The following ABCA1 variants were observed in gnomAD, a reference collection of about 807,000 sequenced individuals.
ABCA1 encodes phospholipid-transporting ATPase ABCA1.
ABCA1 carries 133 observed loss-of-function variants against 262.5 expected under a neutral mutation model. The observed-to-expected ratio is 0.51, with a 90% CI of 0.44 to 0.59. The LOEUF (loss-of-function observed/expected upper bound fraction) is 0.59, where lower values mean the gene tolerates loss of function less well. Among genes scored for constraint, ABCA1 ranks in the 20% least tolerant of loss-of-function variants. The pLI is 0.00. For missense variants in ABCA1, 2,452 were observed against 2,777.5 expected (o/e 0.88, Z 2.63); for synonymous variants, 1,022 against 1,043.5 (o/e 0.98, Z 0.40).
At chr9:104,867,543 GCATATGTATGTGTGTATTATAATA>G (rs143369298) in intron 5 of ABCA1, among the ~76,000 whole-genome samples, 3 of 152,322 alleles carry the variant, frequency 2.0e-5, no homozygotes, top group African/African-American at 7.2e-5. Flanking sequence ...GTATGTGTGT[GCATATGTATGTGTGTATTATAATA>G]CATATTAGCC....
Position 104,784,295 on chromosome 9 carries a change from C to T in ABCA1, c.*20G>A, listed in dbSNP as rs375241409. The T allele has an allele frequency of 2.2e-5, 36 of 1,613,876 alleles. No individual in the cohort carries two copies. The highest frequency in any genetic ancestry group is 4.0e-5 in the African/African-American group (3 of 74,924). ...TCTAGTTCCTCTTTACTTTCAGCCA[C>T]CCCGTATGAACAGGATTCTTCATAC... On this transcript the variant is annotated 3_prime_UTR_variant, in exon 50 of 50. Coordinates refer to ENST00000374736, the MANE Select transcript of ABCA1 (RefSeq NM_005502.4).
intron 6 of ABCA1, 110 bp downstream of exon 6, chr9:104,861,569 C>G: frequency 6.9e-7 from 1 of 1,446,080 alleles, no homozygotes; most frequent in South Asian, 1.1e-5. Context: ...CAAACTACCT[C>G]CCTCCCCTTC....
Position 104,837,065 on chromosome 9 carries a change from A to G in ABCA1, c.1226T>C (p.Phe409Ser). ...CTCCCACATGCCTTCCAGATCATGGAACACAGCCAGTTCCTGGAAGGTCTT... is the reference window on the plus strand; with the variant it reads ...CTCCCACATGCCTTCCAGATCATGGGACACAGCCAGTTCCTGGAAGGTCTT... Reference protein sequence around the residue: ...VNKTFQELAVFHDLEGMWEEL... With the variant: ...VNKTFQELAVSHDLEGMWEEL... The change falls in exon 11 of 50, where the codon TTC becomes TCC. Residue 409 changes from phenylalanine (F) to serine (S), a missense_variant. Phe to Ser is a radical substitution (Grantham distance 155, BLOSUM62 -2). Coordinates refer to ENST00000374736, the MANE Select transcript of ABCA1 (RefSeq NM_005502.4). 1 of 1,613,882 alleles carries G rather than the reference A, an allele frequency of 6.2e-7. No individual in the cohort carries two copies. The highest frequency in any genetic ancestry group is 8.5e-7 in the Non-Finnish European group (1 of 1,180,016).
chr9:104,799,375 C>G (rs1034693974), intron 36 of ABCA1: 20 of 868,866 alleles, frequency 2.3e-5, no homozygotes, highest in Non-Finnish European at 2.7e-5. Context: ...TTTAAACTAG[C>G]TCATCCTGGC....
At chr9:104,840,214 GCC>G in intron 9 of ABCA1, 63 bp downstream of exon 9, 1 of 1,612,382 alleles carries the variant, frequency 6.2e-7, no homozygotes, top group Middle Eastern at 1.9e-4. Context: ...GATGACACAG[GCC>G]AAGGCCAGAA....
chr9:104,867,442 T>TTAGG (rs1428392229), intron 5 of ABCA1, among the ~76,000 whole-genome samples: 5 of 152,246 alleles, frequency 3.3e-5, no homozygotes, highest in Non-Finnish European at 5.9e-5. Context: ...TAATTTAACC[T>TTAGG]TAAAGCATAT....
chr9:104,840,568 G>C (rs1427619684), intron 8 of ABCA1, 49 bp from the exon 9 acceptor site: 19 of 1,575,072 alleles, frequency 1.2e-5, no homozygotes, highest in Non-Finnish European at 1.7e-5. Context: ...AGGGAGAAAA[G>C]GGCAGTGCAA....
At chr9:104,924,066 G>T (rs1197210831) in intron 1 of ABCA1, among the ~76,000 whole-genome samples, 1 of 152,018 alleles carries the variant, frequency 6.6e-6, no homozygotes, top group Admixed American at 6.6e-5. Context: ...GAATAAACAC[G>T]TGAAAAACAT....
intron 1 of ABCA1, among the ~76,000 whole-genome samples, chr9:104,926,905 C>A (rs1387629045): frequency 1.3e-5 from 2 of 152,196 alleles, no homozygotes; most frequent in African/African-American, 4.8e-5. Context: ...TCTCCTAAGT[C>A]TTGTTTTTAA....
At chr9:104,916,359 G>T (rs12344687) in intron 1 of ABCA1, among the ~76,000 whole-genome samples, 16,574 of 152,116 alleles carry the variant, frequency 0.11, 1,118 homozygotes, top group African/African-American at 0.19. Flanking sequence ...ACAATTTTTA[G>T]TTGAGAGAAA....
At chr9:104,789,023 G>A (rs1442569911) in intron 44 of ABCA1, among the ~76,000 whole-genome samples, 2 of 152,216 alleles carry the variant, frequency 1.3e-5, no homozygotes, top group African/African-American at 4.8e-5. Flanking sequence ...TGGTGGGGTG[G>A]CTTTGGGGTT....
chr9:104,861,592 A>C, intron 6 of ABCA1, 87 bp downstream of exon 6: 1 of 1,558,008 alleles, frequency 6.4e-7, no homozygotes, highest in Non-Finnish European at 8.8e-7. Flanking sequence ...CACCATTACA[A>C]GGACAAGGGT....
intron 7 of ABCA1, among the ~76,000 whole-genome samples, chr9:104,856,987 T>A (rs990346295): frequency 6.6e-6 from 1 of 152,124 alleles, no homozygotes; most frequent in Non-Finnish European, 1.5e-5. Context: ...AAGATCCCTG[T>A]AGAGAAATAT....
chr9:104,926,311 T>G (rs1212276035), intron 1 of ABCA1, among the ~76,000 whole-genome samples: 1 of 152,160 alleles, frequency 6.6e-6, no homozygotes, highest in Admixed American at 6.5e-5. Context: ...TTTCTTTGTT[T>G]ATTTTTAATC....
rs146031014 is a variant in ABCA1, at chr9:104,839,288, A to G, written c.1054+991T>C. On this transcript the variant is annotated intron_variant, in intron 9 of 49. Transcript: ENST00000374736. The stretch of plus-strand genomic sequence containing the variant: ...AGATCAAATGTCTGAGTGTGAGAAC[A>G]CACACGCCACCACTAACAGTTATCT... Among the ~76,000 whole-genome samples, 937 of 152,270 alleles carry G rather than the reference A, an allele frequency of 6.2e-3. 10 individuals are homozygous for G. Among genetic ancestry groups the G allele is most frequent in the African/African-American group, 0.021 (869 of 41,528 alleles).
At chr9:104,893,315 G>A (rs113647163) in intron 2 of ABCA1, among the ~76,000 whole-genome samples, 3,753 of 150,822 alleles carry the variant, frequency 0.025, 105 homozygotes, top group East Asian at 0.057. Context: ...CCAGCTACTC[G>A]GGAGGCTGAG....
rs1338809865 is a variant in ABCA1, at chr9:104,817,023, T to A, written c.3535+309A>T. Among the ~76,000 whole-genome samples, 5 of 152,172 alleles carry A rather than the reference T, an allele frequency of 3.3e-5. No individual in the cohort carries two copies. Among genetic ancestry groups the A allele is most frequent in the African/African-American group, 7.2e-5 (3 of 41,418 alleles). On this transcript the variant is annotated intron_variant, in intron 24 of 49. Coordinates refer to ENST00000374736, the MANE Select transcript of ABCA1 (RefSeq NM_005502.4). The surrounding 1 kb of genome is among the most constrained non-coding windows in gnomAD (Gnocchi z 4.7). ...GTACTAAGCTCAAATCCCACCCTCCTGGCTTGGCCCTCAGCTCCTCATCCC... is the reference window on the plus strand; with the variant it reads ...GTACTAAGCTCAAATCCCACCCTCCAGGCTTGGCCCTCAGCTCCTCATCCC...
At chr9:104,830,417 C>G (rs1364621611) in intron 14 of ABCA1, among the ~76,000 whole-genome samples, 1 of 152,146 alleles carries the variant, frequency 6.6e-6, no homozygotes, top group Non-Finnish European at 1.5e-5. Flanking sequence ...GGGCTGGGTG[C>G]AGTGGCTCAC....
chr9:104,831,218 T>C (rs2472391), intron 13 of ABCA1, 117 bp from the exon 14 acceptor site: 1 of 1,057,720 alleles, frequency 9.5e-7, no homozygotes, highest in African/African-American at 1.7e-5. Flanking sequence ...TCTATTTTTG[T>C]ATCTTTTTTT....
Sources: allele counts gnomAD v4.1 joint callset (sites outside exome capture counted in the v4.1 genomes callset), GRCh38; gene constraint gnomAD v4.1.1; non-coding constraint Gnocchi (gnomAD v3.1); transcripts MANE v1.5; gene names NCBI Gene and HGNC (gene_info 2026-07-23, HGNC 2026-07-21).